The following TCF7L2 variants were observed in gnomAD, a reference collection of about 807,000 sequenced individuals.
The protein encoded by TCF7L2 is transcription factor 7-like 2.
TCF7L2 carries 23 observed loss-of-function variants against 77.9 expected under a neutral mutation model. The observed-to-expected ratio is 0.30, with a 90% CI of 0.21 to 0.42. TCF7L2 has a LOEUF of 0.42. TCF7L2 is among the 10% of genes least tolerant of loss of function. The pLI is 1.00. For missense variants in TCF7L2, 654 were observed against 793.1 expected, an observed-to-expected ratio of 0.82 and a Z score of 2.11; for synonymous variants, 413 against 340.2, an observed-to-expected ratio of 1.21 and a Z score of -2.36.
At chr10:113,126,526 G>T in intron 5 of TCF7L2, 15 of 981,840 alleles carry the variant, frequency 1.5e-5, no homozygotes, top group Non-Finnish European at 1.8e-5. Flanking sequence ...GAATGCCGGG[G>T]TTTGGGGGAA....
At chr10:113,039,408 T>C (rs1439698689) in intron 4 of TCF7L2, among the ~76,000 whole-genome samples, 1 of 152,234 alleles carries the variant, frequency 6.6e-6, no homozygotes. Flanking sequence ...GAGATGAGTG[T>C]ATACATTGTG....
chr10:113,031,703 G>T (rs566983659), intron 4 of TCF7L2, among the ~76,000 whole-genome samples: 116 of 152,172 alleles, frequency 7.6e-4, no homozygotes, highest in African/African-American at 2.6e-3. Flanking sequence ...GGCCAGGCTG[G>T]TCTCGAACTA....
intron 5 of TCF7L2, among the ~76,000 whole-genome samples, chr10:113,139,810 TTAAA>T: frequency 1.4e-5 from 1 of 71,114 alleles, no homozygotes. Context: ...CCTCACCCAT[TTAAA>T]AAAAAAAAAA....
At position 113,141,270 on chromosome 10, in the gene TCF7L2, G is replaced by A. The variant is rs772550681; in HGVS notation, c.639G>A (p.Pro213=). 17 of 1,613,962 alleles carry A rather than the reference G, an allele frequency of 1.1e-5. No individual in the cohort carries two copies. The highest frequency in any genetic ancestry group is 1.7e-5 in the Admixed American group (1 of 59,982). Residue 213 remains proline, a synonymous_variant, in exon 6 of 14, where the codon CCG becomes CCA. Transcript: ENST00000627217. ...CGTACAGCAATGAACACTTCACGCC[G>A]GGAAACCCACCTCCACACTTACCAG...
chr10:113,023,905 G>T (rs1230146616), intron 4 of TCF7L2, among the ~76,000 whole-genome samples: 1 of 151,732 alleles, frequency 6.6e-6, no homozygotes, highest in African/African-American at 2.4e-5. Flanking sequence ...TGATCCGCCC[G>T]CCTCGGCCTC....
At chr10:113,025,616 A>T (rs1403428063) in intron 4 of TCF7L2, among the ~76,000 whole-genome samples, 4 of 152,104 alleles carry the variant, frequency 2.6e-5, no homozygotes, top group African/African-American at 9.7e-5. Context: ...CCTGGACTCA[A>T]GCAATCTGCC....
At chr10:113,107,067 A>G (rs561011853) in intron 5 of TCF7L2, among the ~76,000 whole-genome samples, 2 of 152,326 alleles carry the variant, frequency 1.3e-5, no homozygotes, top group South Asian at 4.2e-4. Context: ...TAACCAGGAA[A>G]CAAGCCGGTG....
intron 4 of TCF7L2, among the ~76,000 whole-genome samples, chr10:113,022,230 C>A (rs980105395): frequency 1.3e-5 from 2 of 152,144 alleles, no homozygotes; most frequent in African/African-American, 4.8e-5. Flanking sequence ...CATTGTGACC[C>A]CCTGTTTCGT....
intron 8 of TCF7L2, among the ~76,000 whole-genome samples, chr10:113,149,645 T>G (rs1412169101): frequency 2.6e-5 from 4 of 152,230 alleles, no homozygotes; most frequent in Admixed American, 2.6e-4. Context: ...ACAGAATCAT[T>G]TTGGAAGAAT....
chr10:113,124,981 T>A lies in TCF7L2; in HGVS notation c.553-16203T>A, dbSNP rs150287992. Among the ~76,000 whole-genome samples the A allele has an allele frequency of 6.2e-3, 944 of 152,226 alleles. 7 individuals are homozygous for A. The highest frequency in any genetic ancestry group is 0.02 in the Middle Eastern group (6 of 294). On this transcript the variant is annotated intron_variant, in intron 5 of 13. Transcript: ENST00000627217. ...TTCCTGTGTGTTTATGACAGAAAGA[T>A]GTCATCGTTAAAGGAAACTTAAGAG...
intron 3 of TCF7L2, among the ~76,000 whole-genome samples, chr10:112,963,828 C>T (rs2035883852): frequency 6.6e-6 from 1 of 152,148 alleles, no homozygotes. Flanking sequence ...AGGGTCTGAG[C>T]CAATCAGTGA....
intron 4 of TCF7L2, among the ~76,000 whole-genome samples, chr10:113,005,225 A>G (rs2045325137): frequency 2.0e-5 from 3 of 152,162 alleles, no homozygotes; most frequent in Admixed American, 2.0e-4. Flanking sequence ...CCAATGGCCC[A>G]TTATGAATGT....
intron 13 of TCF7L2, among the ~76,000 whole-genome samples, chr10:113,162,993 T>C (rs1310130401): frequency 3.6e-5 from 5 of 140,738 alleles, no homozygotes; most frequent in African/African-American, 5.3e-5. Context: ...CTAAAACTCA[T>C]AGGACAAAAT....
chr10:112,963,528 A>G (rs564982527), intron 3 of TCF7L2, among the ~76,000 whole-genome samples: 3 of 152,322 alleles, frequency 2.0e-5, no homozygotes, highest in Admixed American at 6.5e-5. Context: ...ATGGACATCA[A>G]TTTCACAGGG....
At chr10:113,000,699 C>T (rs1228645067) in intron 4 of TCF7L2, among the ~76,000 whole-genome samples, 2 of 152,094 alleles carry the variant, frequency 1.3e-5, no homozygotes, top group African/African-American at 2.4e-5. Context: ...CTCACGGGCC[C>T]GGAGGGGAGG....
In TCF7L2 at chr10:113,165,929, C is replaced by T. The variant is rs753538995; in HGVS notation, c.1766C>T (p.Thr589Ile). The change falls in exon 14 of 14, where the codon ACC becomes ATC. Residue 589 changes from threonine to isoleucine, a missense_variant. Thr to Ile is a moderately conservative substitution (Grantham distance 89). Coordinates refer to ENST00000627217, the MANE Select transcript of TCF7L2 (RefSeq NM_001146274.2). ...CATTCCCACAGCTCCCTGGCCGGGA[C>T]CCAGCCCCAGCCGCTGTCGCTCGTC... 1.0e-5 allele frequency: 16 copies of T among 1,553,314 alleles called. No individual in the cohort carries two copies. The highest frequency in any genetic ancestry group is 1.3e-5 in the Non-Finnish European group (15 of 1,148,454).
At chr10:113,073,129 T>TGTGTGTGTGTGTGTGTGTGTGTGAGA (rs56927661) in intron 5 of TCF7L2, among the ~76,000 whole-genome samples, 1 of 123,484 alleles carries the variant, frequency 8.1e-6, no homozygotes, top group Non-Finnish European at 1.7e-5. Flanking sequence ...TGTGTGTGTG[T>TGTGTGTGTGTGTGTGTGTGTGTGAGA]GAGAGAGAGA....
intron 5 of TCF7L2, among the ~76,000 whole-genome samples, chr10:113,083,034 T>C (rs938762006): frequency 1.3e-5 from 2 of 152,138 alleles, no homozygotes; most frequent in Admixed American, 6.5e-5. Context: ...TTTTGCCTTC[T>C]GTTTGGAGCC....
At chr10:113,027,193 A>G (rs988811258) in intron 4 of TCF7L2, among the ~76,000 whole-genome samples, 2 of 152,096 alleles carry the variant, frequency 1.3e-5, no homozygotes, top group Non-Finnish European at 2.9e-5. Flanking sequence ...TGATAGGGCC[A>G]TTTATATTTC....
Sources: allele counts gnomAD v4.1 joint callset (sites outside exome capture counted in the v4.1 genomes callset), GRCh38; gene constraint gnomAD v4.1.1; transcripts MANE v1.5; gene names NCBI Gene and HGNC (gene_info 2026-07-23, HGNC 2026-07-21).